The following PTPN13 variants were observed in gnomAD, a reference collection of about 807,000 sequenced individuals.
The protein encoded by PTPN13 is tyrosine-protein phosphatase non-receptor type 13.
In PTPN13, 191 loss-of-function variants were observed where a neutral mutation model predicts 284.0. The ratio of observed to expected loss-of-function variants is 0.67; its 90% CI spans 0.60 to 0.76. The LOEUF is 0.76. Ranked by LOEUF, PTPN13 falls within the 30% of genes least tolerant of loss-of-function variation. PTPN13 has a pLI of 0.00. For synonymous variants in PTPN13, 986 were observed against 1,022.3 expected (o/e 0.96, Z 0.68); for missense variants, 2,797 against 2,939.9 (o/e 0.95, Z 1.12).
chr4:86,641,123 CTT>C (rs2148757144), intron 2 of PTPN13, among the ~76,000 whole-genome samples: 1 of 152,224 alleles, frequency 6.6e-6, no homozygotes, highest in South Asian at 2.1e-4. Flanking sequence ...CACACAATAT[CTT>C]TTTGTCCCAA....
At position 86,750,795 on chromosome 4, in the gene PTPN13, A is replaced by C; in HGVS notation, c.2976A>C (p.Pro992=). The C allele has an allele frequency of 3.7e-6, 6 of 1,613,682 alleles. No individual in the cohort carries two copies. Among genetic ancestry groups the C allele is most frequent in the Non-Finnish European group, 4.2e-6 (5 of 1,179,768 alleles). ...ATGTCATTGTTAACATGGAACCCCC[A>C]CCACAAACCGTTGCAGAGTTGGTGG... ...RKNVIVNMEP[P]PQTVAELVGK... is the part of the protein sequence containing the mutation. Residue 992 remains proline, a synonymous_variant, in exon 18 of 48, where the codon CCA becomes CCC. Coordinates refer to ENST00000411767, the MANE Select transcript of PTPN13 (RefSeq NM_080683.3).
Position 86,672,400 on chromosome 4 carries a change from A to C in PTPN13, c.151A>C (p.Ile51Leu), listed in dbSNP as rs1311118618. 6.4e-7 allele frequency: 1 copy of C among 1,555,960 alleles called. No individual in the cohort carries two copies. Among genetic ancestry groups the C allele is most frequent in the African/African-American group, 1.4e-5 (1 of 73,420 alleles). The change falls in exon 3 of 48, where the codon ATT (isoleucine) becomes CTT (leucine). Residue 51 changes from isoleucine (I) to leucine (L), a missense_variant. Transcript: ENST00000411767. Reference sequence around the variant, plus strand: ...TGATCCTGCTGCCCTTGGCTTCATCATTTCTCCATGGTCTCTGCTGTTGCT... The same window carrying C: ...TGATCCTGCTGCCCTTGGCTTCATCCTTTCTCCATGGTCTCTGCTGTTGCT... ...LADPAALGFI[I>L]SPWSLLLLPS...
chr4:86,751,981 C>T (rs1276979434), intron 19 of PTPN13, among the ~76,000 whole-genome samples: 1 of 151,274 alleles, frequency 6.6e-6, no homozygotes, highest in African/African-American at 2.4e-5. Flanking sequence ...ATATATGCAC[C>T]TTTTAAGATG....
Position 86,782,769 on chromosome 4 carries a change from G to A in PTPN13, c.6024+507G>A, listed in dbSNP as rs537873031. On this transcript the variant is annotated intron_variant, in intron 37 of 47. Transcript: ENST00000411767. ...TGCTTTACCAAATGATTAAATGAGA[G>A]AGCTTTAATCATTTAAGATTAGCAC... 2.1e-3 allele frequency among the ~76,000 whole-genome samples: 322 copies of A among 152,290 alleles called. 1 individual carries two copies. Among genetic ancestry groups the A allele is most frequent in the Non-Finnish European group, 3.1e-3 (212 of 68,004 alleles).
At chr4:86,634,913 T>G (rs192752042) in intron 1 of PTPN13, among the ~76,000 whole-genome samples, 1 of 152,258 alleles carries the variant, frequency 6.6e-6, no homozygotes, top group African/African-American at 2.4e-5. Flanking sequence ...CTGAAAGGCC[T>G]TCAGTTCAGT....
intron 24 of PTPN13, 93 bp from the exon 25 acceptor site, chr4:86,764,500 G>T: frequency 1.0e-6 from 1 of 965,404 alleles, no homozygotes. Context: ...GCTTTGTCCT[G>T]GGCTAGGTTT....
At chr4:86,642,397 C>T (rs1238201097) in intron 2 of PTPN13, among the ~76,000 whole-genome samples, 1 of 150,696 alleles carries the variant, frequency 6.6e-6, no homozygotes, top group Non-Finnish European at 1.5e-5. Context: ...TTATGATTTC[C>T]CAGTTGTATG....
intron 40 of PTPN13, among the ~76,000 whole-genome samples, chr4:86,794,286 T>C (rs1743051055): frequency 6.6e-6 from 1 of 152,164 alleles, no homozygotes; most frequent in African/African-American, 2.4e-5. Context: ...ATGTGTGAAC[T>C]CCCATTCACA....
At chr4:86,700,843 A>G (rs1731079931) in intron 6 of PTPN13, among the ~76,000 whole-genome samples, 1 of 152,216 alleles carries the variant, frequency 6.6e-6, no homozygotes, top group Non-Finnish European at 1.5e-5. Context: ...TATGACATAC[A>G]TTTGAGTTAT....
At chr4:86,682,871 C>T (rs1283867661) in intron 3 of PTPN13, among the ~76,000 whole-genome samples, 4 of 152,040 alleles carry the variant, frequency 2.6e-5, no homozygotes, top group Non-Finnish European at 5.9e-5. Context: ...AAGCATTTTT[C>T]TTTGTATTCT....
At chr4:86,779,765 A>G (rs2149302354) in intron 35 of PTPN13, among the ~76,000 whole-genome samples, 1 of 152,290 alleles carries the variant, frequency 6.6e-6, no homozygotes, top group South Asian at 2.1e-4. Flanking sequence ...CAGCAACAAT[A>G]AGATTGCATA....
chr4:86,777,535 A>G (rs1740796806), intron 35 of PTPN13, among the ~76,000 whole-genome samples: 1 of 152,226 alleles, frequency 6.6e-6, no homozygotes, highest in South Asian at 2.1e-4. Context: ...TAATATCTTC[A>G]GAGGTTCTGA....
chr4:86,653,089 A>T (rs1725289817), intron 2 of PTPN13, among the ~76,000 whole-genome samples: 1 of 151,798 alleles, frequency 6.6e-6, no homozygotes, highest in African/African-American at 2.4e-5. Context: ...TTTCTACTTG[A>T]TTTTTAAAAT....
chr4:86,764,582 T>TC lies in PTPN13; in HGVS notation c.4018-10dup. On this transcript the variant is annotated splice_polypyrimidine_tract_variant and intron_variant, in intron 24 of 47. Transcript: ENST00000411767. ...CTAACAAGAAATCTTTGTTTGTTTT[T>TC]CTTTGTTAAGGAATCTTCCTCTTCA... The TC allele has an allele frequency of 7.0e-7, 1 of 1,436,684 alleles. No homozygotes were observed. Among genetic ancestry groups the TC allele is most frequent in the Non-Finnish European group, 9.2e-7 (1 of 1,089,914 alleles). 89.0% of individuals were successfully genotyped at this position (1,436,684 alleles called of 1,614,324 possible).
intron 40 of PTPN13, among the ~76,000 whole-genome samples, chr4:86,789,504 G>A (rs1245265477): frequency 6.6e-6 from 1 of 152,070 alleles, no homozygotes; most frequent in East Asian, 1.9e-4. Context: ...TTCTTAGTAA[G>A]TTTTTAACAA....
intron 7 of PTPN13, among the ~76,000 whole-genome samples, chr4:86,704,190 A>G (rs1194470282): frequency 6.6e-6 from 1 of 152,136 alleles, no homozygotes; most frequent in Non-Finnish European, 1.5e-5. Context: ...GTCTCAAATA[A>G]TAATCATTAT....
intron 1 of PTPN13, among the ~76,000 whole-genome samples, chr4:86,600,042 C>G (rs929256677): frequency 6.6e-6 from 1 of 152,066 alleles, no homozygotes; most frequent in Non-Finnish European, 1.5e-5. Flanking sequence ...TACAGAAATT[C>G]TGAGTTATCA....
chr4:86,756,139 T>G (rs1411960361), intron 20 of PTPN13, among the ~76,000 whole-genome samples: 1 of 152,030 alleles, frequency 6.6e-6, no homozygotes, highest in African/African-American at 2.4e-5. Flanking sequence ...AAATGGAAAT[T>G]TAAAGCAATG....
chr4:86,797,030 T>A (rs1743419948), intron 41 of PTPN13, 101 bp downstream of exon 41: 1 of 852,542 alleles, frequency 1.2e-6, no homozygotes, highest in African/African-American at 1.7e-5. Flanking sequence ...CATAGTTGAG[T>A]AGATTATAAA....
Sources: allele counts gnomAD v4.1 joint callset (sites outside exome capture counted in the v4.1 genomes callset), GRCh38; gene constraint gnomAD v4.1.1; transcripts MANE v1.5; gene names NCBI Gene and HGNC (gene_info 2026-07-23, HGNC 2026-07-21).